The following WAPL variants were observed in gnomAD, a reference collection of about 807,000 sequenced individuals.
The protein encoded by WAPL is wings apart-like protein homolog.
A neutral mutation model predicts 121.0 loss-of-function variants in WAPL; 5 were observed. The ratio of observed to expected loss-of-function variants is 0.04; its 90% CI spans 0.02 to 0.09. WAPL has a LOEUF of 0.09. Among genes scored for constraint, WAPL ranks in the 10% least tolerant of loss-of-function variants. WAPL has a pLI of 1.00. For missense variants in WAPL, 999 were observed against 1,410.8 expected (o/e 0.71, Z 4.68); for synonymous variants, 480 against 481.5 (o/e 1.00, Z 0.04).
chr10:86,494,588 T>C (rs2132216367), intron 4 of WAPL, among the ~76,000 whole-genome samples: 1 of 152,272 alleles, frequency 6.6e-6, no homozygotes, highest in South Asian at 2.1e-4. Context: ...TTTTCTGAGT[T>C]TGGCAGTGGT....
At position 86,436,779 on chromosome 10, in the gene WAPL, A is replaced by G. The variant is rs528883091; in HGVS notation, c.*764T>C. The G allele has an allele frequency of 1.4e-4, 21 of 152,728 alleles. No individual in the cohort carries two copies. The highest frequency in any genetic ancestry group is 4.8e-4 in the African/African-American group (20 of 41,552). The allele number at this position is 152,728 out of a possible 1,614,324, so 9.5% of individuals were successfully genotyped here. On this transcript the variant is annotated 3_prime_UTR_variant, in exon 19 of 19. Transcript: ENST00000298767. ...TTGACTATTTTGCCTCCTCCTTTTA[A>G]CAGGGCACATCATCTTATATAATAT...
intron 12 of WAPL, among the ~76,000 whole-genome samples, chr10:86,455,303 T>C (rs1356144713): frequency 6.6e-6 from 1 of 152,148 alleles, no homozygotes; most frequent in Non-Finnish European, 1.5e-5. Context: ...TAGAAAGAAG[T>C]AGACATAGGA....
Position 86,469,194 on chromosome 10 carries a change from T to C in WAPL, c.2143-1688A>G, listed in dbSNP as rs1000740477. On this transcript the variant is annotated intron_variant, in intron 8 of 18. Coordinates refer to ENST00000298767, the MANE Select transcript of WAPL (RefSeq NM_015045.5). ...CCCAGTTACTTGGGAGGGTGAGTTG[T>C]GAGGATCGCTTAATAAAATAAAACA... Among the ~76,000 whole-genome samples the C allele has an allele frequency of 7.1e-5, 6 of 84,306 alleles. No individual in the cohort carries two copies. In the South Asian group the frequency reaches 2.3e-3, roughly 32 times the overall value. The allele number at this position is 84,306 out of a possible 152,430, so 55.3% of individuals were successfully genotyped here. A position where few individuals can be genotyped will look rare whatever the true frequency, so the allele number is the denominator to read the frequency against.
intron 2 of WAPL, among the ~76,000 whole-genome samples, chr10:86,505,697 A>G (rs1437095351): frequency 6.6e-6 from 1 of 152,188 alleles, no homozygotes; most frequent in African/African-American, 2.4e-5. Context: ...AAGAATTATG[A>G]AAAGGATGAC....
At chr10:86,456,449 A>G (rs185388540) in intron 12 of WAPL, among the ~76,000 whole-genome samples, 1 of 152,274 alleles carries the variant, frequency 6.6e-6, no homozygotes, top group African/African-American at 2.4e-5. Flanking sequence ...CAAAATAACA[A>G]GGAAATATAA....
chr10:86,472,096 A>G lies in WAPL; in HGVS notation c.2030+112T>C. 4.0e-6 allele frequency: 4 copies of G among 987,688 alleles called. No homozygotes were observed. The highest frequency in any genetic ancestry group is 2.7e-5 in the East Asian group (1 of 36,784). The allele number at this position is 987,688 out of a possible 1,614,324, so 61.2% of individuals were successfully genotyped here. On this transcript the variant is annotated intron_variant, in intron 7 of 18. Transcript: ENST00000298767. This position sits in a 1 kb window ranked among gnomAD's most constrained non-coding sequence, Gnocchi z 4.2. Reference sequence around the variant, plus strand: ...CATTTTAACATATCACTGGCTATACATACTACCCCATCATAACAAAATAAA... The same window carrying G: ...CATTTTAACATATCACTGGCTATACGTACTACCCCATCATAACAAAATAAA...
chr10:86,480,372 C>G (rs1464671484), intron 4 of WAPL, among the ~76,000 whole-genome samples: 2 of 152,114 alleles, frequency 1.3e-5, no homozygotes, highest in Non-Finnish European at 2.9e-5. Context: ...AGAATATCAC[C>G]AGGAAATAGC....
chr10:86,520,865 T>C (rs1842661564), intron 1 of WAPL, among the ~76,000 whole-genome samples: 1 of 151,474 alleles, frequency 6.6e-6, no homozygotes, highest in African/African-American at 2.4e-5. Context: ...AGGGCTTCCA[T>C]TAAAGATGGA....
chr10:86,494,928 T>C (rs1842122362), intron 4 of WAPL, among the ~76,000 whole-genome samples: 2 of 152,178 alleles, frequency 1.3e-5, no homozygotes, highest in African/African-American at 4.8e-5. Flanking sequence ...CATACAGTTT[T>C]CTAGAAATTC....
At chr10:86,444,847 G>A (rs1849562729) in intron 16 of WAPL, among the ~76,000 whole-genome samples, 1 of 108,190 alleles carries the variant, frequency 9.2e-6, no homozygotes, top group African/African-American at 3.6e-5. Flanking sequence ...CAATAAAGCT[G>A]TAACTTTTTA....
At chr10:86,451,796 T>C (rs1013645252) in intron 15 of WAPL, among the ~76,000 whole-genome samples, 171 bp downstream of exon 15, 1 of 152,132 alleles carries the variant, frequency 6.6e-6, no homozygotes, top group Admixed American at 6.5e-5. Context: ...AGTCCCTTTC[T>C]ACCCCAGCAG....
chr10:86,518,168 G>T, intron 1 of WAPL, 77 bp from the exon 2 acceptor site: 1 of 1,386,364 alleles, frequency 7.2e-7, no homozygotes, highest in South Asian at 1.5e-5. Context: ...TAAAAACCTA[G>T]GGATTCTTCC....
At position 86,500,294 on chromosome 10, in the gene WAPL, C is replaced by T. The variant is rs776075411; in HGVS notation, c.949G>A (p.Gly317Ser). The change falls in exon 3 of 19, where the codon GGC (glycine) becomes AGC (serine). Residue 317 changes from glycine (G) to serine (S), a missense_variant. By Grantham distance (56) the Gly-to-Ser change is moderately conservative (BLOSUM62 0). Coordinates refer to ENST00000298767, the MANE Select transcript of WAPL (RefSeq NM_015045.5). Reference protein sequence around the residue: ...GASNFDKLMDGTSQALAKANS... With the variant: ...GASNFDKLMDSTSQALAKANS... ...GCTTTGGCTAAGGCCTGACTGGTGCCGTCCATCAGCTTATCAAAATTTGAT... is the reference window on the plus strand; with the variant it reads ...GCTTTGGCTAAGGCCTGACTGGTGCTGTCCATCAGCTTATCAAAATTTGAT... The T allele has an allele frequency of 4.8e-5, 77 of 1,614,064 alleles. No homozygotes were observed. In the East Asian group the frequency reaches 1.2e-3, roughly 26 times the overall value.
intron 8 of WAPL, among the ~76,000 whole-genome samples, chr10:86,469,361 T>C (rs1841482191): frequency 6.6e-6 from 1 of 150,726 alleles, no homozygotes; most frequent in African/African-American, 2.4e-5. Context: ...CCAGCAATTC[T>C]TGTGCCTCAG....
At chr10:86,492,159 G>C (rs1842062086) in intron 4 of WAPL, among the ~76,000 whole-genome samples, 2 of 150,534 alleles carry the variant, frequency 1.3e-5, no homozygotes, top group African/African-American at 2.4e-5. Context: ...CATAATGTCA[G>C]TAAGTAAAAA....
In WAPL at chr10:86,437,332, T is replaced by A; in HGVS notation, c.*211A>T. The A allele has an allele frequency of 1.9e-6, 1 of 527,806 alleles. No individual in the cohort carries two copies. The highest frequency in any genetic ancestry group is 3.3e-6 in the Non-Finnish European group (1 of 301,918). The allele number at this position is 527,806 out of a possible 1,614,324, so 32.7% of individuals were successfully genotyped here. A position where few individuals can be genotyped will look rare whatever the true frequency, so the allele number is the denominator to read the frequency against. ...TGTTAACAGCCTGAACCTTTTCCCCTCATTTTTGATAGTTGCAGATTGATG... is the reference window on the plus strand; with the variant it reads ...TGTTAACAGCCTGAACCTTTTCCCCACATTTTTGATAGTTGCAGATTGATG... On this transcript the variant is annotated 3_prime_UTR_variant, in exon 19 of 19. Transcript: ENST00000298767.
intron 4 of WAPL, among the ~76,000 whole-genome samples, chr10:86,476,840 A>G (rs1002135091): frequency 2.0e-5 from 3 of 152,256 alleles, no homozygotes; most frequent in African/African-American, 4.8e-5. Context: ...AACAAATGGA[A>G]TAACTGATGT....
intron 4 of WAPL, among the ~76,000 whole-genome samples, chr10:86,474,704 G>A (rs1223497395): frequency 2.6e-5 from 4 of 152,062 alleles, no homozygotes; most frequent in East Asian, 1.9e-4. Context: ...ACCAACCTGG[G>A]TGACAAAGCA....
chr10:86,511,367 A>G (rs749834895), intron 2 of WAPL, among the ~76,000 whole-genome samples: 1 of 152,230 alleles, frequency 6.6e-6, no homozygotes, highest in Non-Finnish European at 1.5e-5. Context: ...GCCCCTTGCA[A>G]AATAACTTTA....
Sources: gnomAD v4.1 joint callset for allele counts (sites outside exome capture counted in the v4.1 genomes callset) on GRCh38, gnomAD v4.1.1 for gene constraint, Gnocchi (gnomAD v3.1) non-coding constraint, MANE v1.5 for transcripts, NCBI Gene and HGNC (gene_info 2026-07-23, HGNC 2026-07-21) for gene names.